TRANK1: variants seen among roughly 807,000 people sequenced by gnomAD.
The protein encoded by TRANK1 is tetratricopeptide repeat and ankyrin repeat containing 1.
A neutral mutation model predicts 266.0 loss-of-function variants in TRANK1; 198 were observed. The observed-to-expected ratio is 0.74, with a 90% confidence interval of 0.66 to 0.84. TRANK1 has a LOEUF of 0.84. Ranked by LOEUF, TRANK1 falls within the 40% of genes least tolerant of loss-of-function variation. TRANK1 has a pLI of 0.00. For synonymous variants in TRANK1, 1,396 were observed against 1,384.1 expected, an observed-to-expected ratio of 1.01 and a Z score of -0.19; for missense variants, 3,326 against 3,634.6, an observed-to-expected ratio of 0.92 and a Z score of 2.18.
At chr3:36,835,438 C>T (rs1263025369) in intron 20 of TRANK1, among the ~76,000 whole-genome samples, 2 of 151,698 alleles carry the variant, frequency 1.3e-5, no homozygotes, top group Non-Finnish European at 2.9e-5. Context: ...AGAGGTAAGC[C>T]CCAGGTAGAT....
intron 1 of TRANK1, among the ~76,000 whole-genome samples, chr3:36,926,995 C>A (rs1032853682): frequency 6.6e-6 from 1 of 152,266 alleles, no homozygotes; most frequent in Admixed American, 6.5e-5. Flanking sequence ...TCTTGTTTTG[C>A]GTCTTCTAGA....
chr3:36,886,091 T>C (rs1475031037), intron 8 of TRANK1, among the ~76,000 whole-genome samples: 1 of 151,648 alleles, frequency 6.6e-6, no homozygotes, highest in Non-Finnish European at 1.5e-5. Context: ...ACATCTCTAA[T>C]TGAAGGAAGA....
chr3:36,854,587 G>A (rs987288323), intron 13 of TRANK1, among the ~76,000 whole-genome samples: 4 of 152,152 alleles, frequency 2.6e-5, no homozygotes, highest in African/African-American at 9.7e-5. Context: ...ATTTAAACTT[G>A]TGTACCTTAG....
chr3:36,882,920 G>T (rs549875974), intron 8 of TRANK1, among the ~76,000 whole-genome samples: 1 of 152,006 alleles, frequency 6.6e-6, no homozygotes, highest in South Asian at 2.1e-4. Flanking sequence ...AAATTAAAAC[G>T]ATACTGGAAG....
intron 9 of TRANK1, among the ~76,000 whole-genome samples, chr3:36,865,116 C>T (rs1027048108): frequency 1.3e-5 from 2 of 150,518 alleles, no homozygotes; most frequent in Admixed American, 1.3e-4. Flanking sequence ...CAACCTCTGC[C>T]GCCAAGGTTC....
chr3:36,838,270 A>G, intron 20 of TRANK1, 102 bp downstream of exon 20: 1 of 1,510,176 alleles, frequency 6.6e-7, no homozygotes, highest in Non-Finnish European at 8.9e-7. Context: ...TCCTTGGAAG[A>G]CTGCAGCCTC....
At chr3:36,925,596 T>C in intron 1 of TRANK1, among the ~76,000 whole-genome samples, 1 of 150,996 alleles carries the variant, frequency 6.6e-6, no homozygotes, top group East Asian at 1.9e-4. Flanking sequence ...ATCTTTCTTT[T>C]TTTTTTTTTT....
At chr3:36,871,803 T>C (rs1040213146) in intron 9 of TRANK1, among the ~76,000 whole-genome samples, 1 of 151,986 alleles carries the variant, frequency 6.6e-6, no homozygotes, top group Non-Finnish European at 1.5e-5. Flanking sequence ...AAGGGAGAAG[T>C]GTTTAAAAAG....
intron 4 of TRANK1, among the ~76,000 whole-genome samples, chr3:36,898,311 G>A (rs1053641953): frequency 4.6e-5 from 7 of 151,944 alleles, no homozygotes; most frequent in East Asian, 1.9e-4. Context: ...TTAGCCGGGC[G>A]GGGTGGTAGG....
chr3:36,829,625 G>A lies in TRANK1; in HGVS notation c.8748C>T (p.Ile2916=). 6.2e-7 allele frequency: 1 copy of A among 1,613,954 alleles called. No individual in the cohort carries two copies. The highest frequency in any genetic ancestry group is 8.5e-7 in the Non-Finnish European group (1 of 1,179,900). ...EAMTRLVNIL[I]LSVRDARDWL... is the part of the protein sequence containing the mutation. ...AGTCTCGTGCATCCCTGACTGACAG[G>A]ATCAGAATGTTGACCAGCCGAGTCA... Residue 2916 remains isoleucine (I), a synonymous_variant, in exon 23 of 24, where the codon ATC becomes ATT. Transcript: ENST00000645898.
Position 36,843,463 on chromosome 3 carries a change from A to G in TRANK1, c.5192-753T>C, listed in dbSNP as rs1029700085. Among the ~76,000 whole-genome samples, 3 of 152,134 alleles carry G rather than the reference A, an allele frequency of 2.0e-5. No homozygotes were observed. The East Asian group carries it at 5.8e-4, about 29-fold the overall frequency. ...CAAATGTGCAAACTTTGCCCTCATC[A>G]CAATAAGTAATCTGACACATTCCTA... On this transcript the variant is annotated intron_variant, in intron 17 of 23. Transcript: ENST00000645898.
intron 5 of TRANK1, among the ~76,000 whole-genome samples, chr3:36,894,214 T>TTC (rs1392884971): frequency 6.6e-6 from 1 of 152,180 alleles, no homozygotes; most frequent in African/African-American, 2.4e-5. Context: ...CTGTCTCCCA[T>TTC]TCTCTCATTC....
At chr3:36,895,549 A>T in intron 5 of TRANK1, 91 bp downstream of exon 5, 1 of 769,796 alleles carries the variant, frequency 1.3e-6, no homozygotes, top group Middle Eastern at 2.5e-4. Context: ...AAGATCAACA[A>T]ATAATAAATT....
At chr3:36,854,088 C>T (rs147953634) in intron 13 of TRANK1, among the ~76,000 whole-genome samples, 7 of 152,282 alleles carry the variant, frequency 4.6e-5, no homozygotes, top group Admixed American at 1.3e-4. Flanking sequence ...AGGCTGGGCA[C>T]GAGGGCTCAC....
intron 8 of TRANK1, among the ~76,000 whole-genome samples, chr3:36,876,284 G>A (rs1476793034): frequency 3.9e-5 from 6 of 152,180 alleles, no homozygotes; most frequent in Non-Finnish European, 2.9e-5. Flanking sequence ...CAGGTCCAGG[G>A]GCTAACACTT....
intron 7 of TRANK1, among the ~76,000 whole-genome samples, chr3:36,891,051 C>A (rs1349801083): frequency 2.6e-5 from 4 of 152,164 alleles, no homozygotes; most frequent in African/African-American, 9.7e-5. Context: ...AGAATAAAAT[C>A]TCTTGGCCAG....
intron 8 of TRANK1, among the ~76,000 whole-genome samples, chr3:36,886,842 C>A (rs531125349): frequency 1.3e-5 from 2 of 151,346 alleles, no homozygotes; most frequent in Non-Finnish European, 2.9e-5. Context: ...ACAGGTATTA[C>A]TATGGTCTTT....
rs552892530 is a variant in TRANK1, at chr3:36,833,006, T to A, written c.6577A>T (p.Met2193Leu). ...CATTTTAAGCCTACAATAAACCTCA[T>A]GCAGACTCCTCGGTAGGTCTTCCCA... ...LLGKTYRGVC[M>L]RFIVGLKCED... The change falls in exon 22 of 24, where the codon ATG becomes TTG. Residue 2193 changes from methionine to leucine, a missense_variant. Met to Leu is a conservative substitution (Grantham distance 15). Coordinates refer to ENST00000645898, the MANE Select transcript of TRANK1 (RefSeq NM_001329998.2). 1.4e-5 allele frequency: 22 copies of A among 1,612,324 alleles called. No homozygotes were observed. In the South Asian group the frequency reaches 2.1e-4, roughly 15 times the overall value.
chr3:36,905,406 C>T (rs1256557274), intron 2 of TRANK1, among the ~76,000 whole-genome samples: 1 of 152,082 alleles, frequency 6.6e-6, no homozygotes, highest in African/African-American at 2.4e-5. Flanking sequence ...GTGGAGTCCT[C>T]ACAATGGAAT....
Sources: allele counts gnomAD v4.1 joint callset (sites outside exome capture counted in the v4.1 genomes callset), GRCh38; gene constraint gnomAD v4.1.1; transcripts MANE v1.5; gene names NCBI Gene and HGNC (gene_info 2026-07-23, HGNC 2026-07-21).